AKAP9: variants seen among roughly 807,000 people sequenced by gnomAD.
AKAP9 encodes A-kinase anchor protein 9.
AKAP9 carries 311 observed loss-of-function variants against 488.5 expected under a neutral mutation model. The observed-to-expected ratio is 0.64, with a 90% CI of 0.58 to 0.70. The LOEUF (loss-of-function observed/expected upper bound fraction) is 0.70. AKAP9 is among the 30% of genes least tolerant of loss of function. The probability of loss-of-function intolerance (pLI) is 0.00; values close to 1 mark genes in which losing one functional copy is unlikely to be tolerated. For missense variants in AKAP9, 4,215 were observed against 4,374.5 expected (o/e 0.96, Z 1.03); for synonymous variants, 1,462 against 1,483.5 (o/e 0.99, Z 0.33).
chr7:92,038,831 T>A, intron 17 of AKAP9, 59 bp downstream of exon 17: 1 of 1,175,268 alleles, frequency 8.5e-7, no homozygotes, highest in East Asian at 2.4e-5. Context: ...TCTTTCACTT[T>A]AAAAATATTA....
chr7:92,013,066 A>T (rs918205670), intron 9 of AKAP9, among the ~76,000 whole-genome samples: 1 of 130,070 alleles, frequency 7.7e-6, no homozygotes, highest in South Asian at 2.5e-4. Flanking sequence ...ATCTCGGCTC[A>T]CTGCAAGCTC....
At chr7:92,056,289 A>G (rs1808779302) in intron 22 of AKAP9, among the ~76,000 whole-genome samples, 2 of 151,934 alleles carry the variant, frequency 1.3e-5, no homozygotes, top group South Asian at 2.1e-4. Context: ...AATAAGAGAA[A>G]CTAGATATCA....
At position 92,091,598 on chromosome 7, in the gene AKAP9, CA is replaced by C. The variant is rs1352327833; in HGVS notation, c.9359-1487del. Among the ~76,000 whole-genome samples the C allele has an allele frequency of 3.1e-5, 4 of 131,078 alleles. No homozygotes were observed. The East Asian group carries it at 6.6e-4, about 22-fold the overall frequency. 86.0% of individuals were successfully genotyped at this position (131,078 alleles called of 152,430 possible). On this transcript the variant is annotated intron_variant, in intron 38 of 49. Coordinates refer to ENST00000356239, the MANE Select transcript of AKAP9 (RefSeq NM_005751.5). ...AAGACTCTGTCTCAAAAAAAAAAAA[CA>C]AAAAAAAAAAACAAAGCAGAAGCAT...
chr7:92,082,070 G>T (rs1182019164), intron 31 of AKAP9, among the ~76,000 whole-genome samples: 1 of 152,030 alleles, frequency 6.6e-6, no homozygotes, highest in African/African-American at 2.4e-5. Flanking sequence ...GAGCAGCTGG[G>T]ACTACAGGTG....
At chr7:92,101,914 C>T (rs1027476356) in intron 45 of AKAP9, among the ~76,000 whole-genome samples, 13 of 151,850 alleles carry the variant, frequency 8.6e-5, no homozygotes, top group Non-Finnish European at 1.3e-4. Context: ...CCCAGCACTT[C>T]GGGAGGCCAA....
At position 92,001,222 on chromosome 7, in the gene AKAP9, A is replaced by T. The variant is rs1799137106; in HGVS notation, c.1305A>T (p.Ala435=). ...ETQRKLEQLR[A]ELDEMYGQQI... is the part of the protein sequence containing the mutation. ...AAAGAAAGTTAGAACAACTCCGGGCAGAGCTGGATGAGATGTATGGGCAGC... is the reference window on the plus strand; with the variant it reads ...AAAGAAAGTTAGAACAACTCCGGGCTGAGCTGGATGAGATGTATGGGCAGC... Residue 435 remains alanine (A), a synonymous_variant, in exon 8 of 50, where the codon GCA becomes GCT. Coordinates refer to ENST00000356239, the MANE Select transcript of AKAP9 (RefSeq NM_005751.5). The T allele has an allele frequency of 6.2e-7, 1 of 1,614,066 alleles. No homozygotes were observed. The highest frequency in any genetic ancestry group is 8.5e-7 in the Non-Finnish European group (1 of 1,179,960).
At chr7:92,019,436 G>A (rs1278039540) in intron 12 of AKAP9, among the ~76,000 whole-genome samples, 2 of 151,586 alleles carry the variant, frequency 1.3e-5, no homozygotes, top group Admixed American at 1.3e-4. Flanking sequence ...CACCACACCC[G>A]ACCTACTTAT....
intron 1 of AKAP9, among the ~76,000 whole-genome samples, chr7:91,958,616 C>T (rs1174186562): frequency 6.6e-6 from 1 of 151,868 alleles, no homozygotes; most frequent in Non-Finnish European, 1.5e-5. Flanking sequence ...GCATATGGGC[C>T]CACGATAATT....
At chr7:92,042,886 A>G (rs1806351699) in intron 20 of AKAP9, 115 bp downstream of exon 20, 1 of 733,412 alleles carries the variant, frequency 1.4e-6, no homozygotes, top group East Asian at 2.8e-5. Flanking sequence ...AAAAATCATC[A>G]TACCATCTGT....
At position 92,038,303 on chromosome 7, in the gene AKAP9, A is replaced by G. The variant is rs1584263337; in HGVS notation, c.4339-116A>G. 5.6e-6 allele frequency: 4 copies of G among 718,744 alleles called. No individual in the cohort carries two copies. In the East Asian group the frequency reaches 8.2e-5, roughly 15 times the overall value. 44.5% of individuals were successfully genotyped at this position (718,744 alleles called of 1,614,324 possible). The stretch of plus-strand genomic sequence containing the variant: ...TTTATTATAGGATTTCTTTTTGTTT[A>G]GAACCGTGAGGCCATGCTTTTTTCT... On this transcript the variant is annotated intron_variant, in intron 16 of 49. Coordinates refer to ENST00000356239, the MANE Select transcript of AKAP9 (RefSeq NM_005751.5).
At chr7:91,960,648 G>T (rs1793616862) in intron 1 of AKAP9, among the ~76,000 whole-genome samples, 1 of 152,032 alleles carries the variant, frequency 6.6e-6, no homozygotes, top group Non-Finnish European at 1.5e-5. Flanking sequence ...ATATATTTCT[G>T]TGTTTATCTA....
chr7:91,991,094 G>A (rs1797689892), intron 3 of AKAP9, among the ~76,000 whole-genome samples: 1 of 152,052 alleles, frequency 6.6e-6, no homozygotes, highest in Non-Finnish European at 1.5e-5. Context: ...ATGATTTCAG[G>A]CATCTACTGG....
intron 16 of AKAP9, among the ~76,000 whole-genome samples, chr7:92,035,329 A>G (rs889897601): frequency 3.3e-5 from 5 of 152,212 alleles, no homozygotes; most frequent in Non-Finnish European, 5.9e-5. Flanking sequence ...AATACCTCAT[A>G]TAATTTCAGT....
intron 21 of AKAP9, among the ~76,000 whole-genome samples, chr7:92,050,428 G>C (rs928413293): frequency 6.6e-6 from 1 of 152,076 alleles, no homozygotes; most frequent in Non-Finnish European, 1.5e-5. Context: ...GTTGTCCTCT[G>C]AGAGAGCAGC....
At chr7:91,972,063 C>T (rs1237388976) in intron 1 of AKAP9, among the ~76,000 whole-genome samples, 1 of 142,120 alleles carries the variant, frequency 7.0e-6, no homozygotes, top group South Asian at 2.2e-4. Context: ...TGTCTTTAGC[C>T]CCAGTTTGCT....
intron 8 of AKAP9, among the ~76,000 whole-genome samples, chr7:92,006,875 T>G (rs1799939144): frequency 6.6e-6 from 1 of 152,132 alleles, no homozygotes; most frequent in South Asian, 2.1e-4. Context: ...TGAAGATGAT[T>G]ATTAGAATCA....
intron 21 of AKAP9, among the ~76,000 whole-genome samples, chr7:92,046,203 T>A (rs1473218622): frequency 6.6e-6 from 1 of 152,066 alleles, no homozygotes; most frequent in Non-Finnish European, 1.5e-5. Flanking sequence ...TTCTTTTTCC[T>A]TGTAGGAGAG....
At chr7:92,020,314 A>C (rs1486865834) in intron 12 of AKAP9, among the ~76,000 whole-genome samples, 1 of 152,034 alleles carries the variant, frequency 6.6e-6, no homozygotes, top group African/African-American at 2.4e-5. Context: ...GCTTCTTTGC[A>C]TGCTGCCCTT....
Position 92,022,972 on chromosome 7 carries a change from A to T in AKAP9, c.4111A>T (p.Arg1371Trp). The part of the protein sequence containing the change: ...YEAEIHCLQK[R>W]LQAVSESTVP... Reference sequence around the variant, plus strand: ...GGCAGAGATCCACTGTTTACAGAAGAGGCTTCAAGCTGTTAGTGAGTCCAC... The same window carrying T: ...GGCAGAGATCCACTGTTTACAGAAGTGGCTTCAAGCTGTTAGTGAGTCCAC... The change falls in exon 14 of 50, where the codon AGG becomes TGG. Residue 1371 changes from arginine to tryptophan, a missense_variant. Physicochemically the swap from Arg to Trp is moderately radical, Grantham distance 101. Around this residue, in one of 5 missense-constraint regions of AKAP9, gnomAD observed 2,361 missense variants for 2,430.0 expected, o/e 0.97. Coordinates refer to ENST00000356239, the MANE Select transcript of AKAP9 (RefSeq NM_005751.5). 6.2e-7 allele frequency: 1 copy of T among 1,614,088 alleles called. No homozygotes were observed. Among genetic ancestry groups the T allele is most frequent in the Non-Finnish European group, 8.5e-7 (1 of 1,179,938 alleles).
Sources: allele counts gnomAD v4.1 joint callset (sites outside exome capture counted in the v4.1 genomes callset), GRCh38; gene constraint gnomAD v4.1.1; regional missense constraint gnomAD v4.1.1; transcripts MANE v1.5; gene names NCBI Gene and HGNC (gene_info 2026-07-23, HGNC 2026-07-21).